SLC9A9: variants seen among roughly 807,000 people sequenced by gnomAD.
SLC9A9 encodes the protein solute carrier family 9 member A9.
In SLC9A9, 62 loss-of-function variants were observed where a neutral mutation model predicts 77.8. The ratio of observed to expected loss-of-function variants is 0.80; its 90% CI spans 0.65 to 0.98. The LOEUF is 0.98. Among genes scored for constraint, SLC9A9 ranks in the 50% least tolerant of loss-of-function variants. The probability of loss-of-function intolerance (pLI) is 0.00; values close to 1 mark genes in which losing one functional copy is unlikely to be tolerated. For synonymous variants in SLC9A9, 320 were observed against 283.5 expected, an observed-to-expected ratio of 1.13 and a Z score of -1.29; for missense variants, 775 against 774.9, an observed-to-expected ratio of 1.00 and a Z score of 0.00.
At chr3:143,627,923 C>T (rs2108723827) in intron 6 of SLC9A9, among the ~76,000 whole-genome samples, 1 of 152,316 alleles carries the variant, frequency 6.6e-6, no homozygotes, top group South Asian at 2.1e-4. Context: ...AATGAATGAG[C>T]TTGGGTGGAG....
At chr3:143,625,037 T>C (rs976943187) in intron 6 of SLC9A9, among the ~76,000 whole-genome samples, 109 of 152,134 alleles carry the variant, frequency 7.2e-4, no homozygotes, top group African/African-American at 2.0e-3. Flanking sequence ...GAATAAAATA[T>C]GTAGGAATCC....
chr3:143,560,722 T>C (rs1023653085), intron 8 of SLC9A9, among the ~76,000 whole-genome samples: 3 of 96,968 alleles, frequency 3.1e-5, no homozygotes, highest in African/African-American at 1.6e-4. Flanking sequence ...AATAAAACTT[T>C]TTCCTTCAAA....
At chr3:143,730,575 C>T (rs998393549) in intron 4 of SLC9A9, among the ~76,000 whole-genome samples, 1 of 152,190 alleles carries the variant, frequency 6.6e-6, no homozygotes, top group African/African-American at 2.4e-5. Context: ...GAACTCATCA[C>T]TTCTCACTCT....
At chr3:143,625,828 A>G (rs1322064018) in intron 6 of SLC9A9, among the ~76,000 whole-genome samples, 1 of 152,228 alleles carries the variant, frequency 6.6e-6, no homozygotes, top group Non-Finnish European at 1.5e-5. Flanking sequence ...GTGAACAGGC[A>G]ACCTACAGAA....
At chr3:143,543,449 T>C (rs1433198501) in intron 9 of SLC9A9, among the ~76,000 whole-genome samples, 1 of 152,118 alleles carries the variant, frequency 6.6e-6, no homozygotes, top group Admixed American at 6.5e-5. Context: ...ACATGGCATA[T>C]TGCATGATGC....
At chr3:143,597,775 C>T (rs891015203) in intron 6 of SLC9A9, among the ~76,000 whole-genome samples, 1 of 152,182 alleles carries the variant, frequency 6.6e-6, no homozygotes, top group African/African-American at 2.4e-5. Context: ...TACTGGCAGG[C>T]AGGAGCCAAG....
At chr3:143,835,003 C>T (rs922084034) in intron 1 of SLC9A9, among the ~76,000 whole-genome samples, 2 of 152,136 alleles carry the variant, frequency 1.3e-5, no homozygotes, top group Admixed American at 6.6e-5. Flanking sequence ...AGCAGGGATA[C>T]TAAGGCAAGC....
At chr3:143,838,617 A>C (rs962296441) in intron 1 of SLC9A9, among the ~76,000 whole-genome samples, 6 of 152,228 alleles carry the variant, frequency 3.9e-5, no homozygotes, top group Admixed American at 2.6e-4. Context: ...CATAAGGGAC[A>C]ATTTAGAACA....
chr3:143,648,593 T>C (rs1312184014), intron 6 of SLC9A9, among the ~76,000 whole-genome samples: 2 of 152,190 alleles, frequency 1.3e-5, no homozygotes, highest in African/African-American at 4.8e-5. Context: ...TTTTGTTTTG[T>C]TGTGTTTCTA....
chr3:143,465,176 C>T (rs2035263145), intron 12 of SLC9A9, among the ~76,000 whole-genome samples: 1 of 152,232 alleles, frequency 6.6e-6, no homozygotes, highest in South Asian at 2.1e-4. Context: ...TGCTGTGCCC[C>T]CTGGAAGACT....
intron 4 of SLC9A9, among the ~76,000 whole-genome samples, chr3:143,761,523 C>G (rs1208766727): frequency 4.6e-5 from 7 of 152,048 alleles, no homozygotes; most frequent in Admixed American, 4.6e-4. Flanking sequence ...CCATCAAAAA[C>G]TGGGCAAAGG....
At chr3:143,680,060 A>C (rs760037429) in intron 5 of SLC9A9, among the ~76,000 whole-genome samples, 7 of 152,112 alleles carry the variant, frequency 4.6e-5, no homozygotes, top group African/African-American at 1.7e-4. Flanking sequence ...ATGTTAGGAG[A>C]CATGAGAGAT....
chr3:143,345,345 T>C (rs1278898588), intron 14 of SLC9A9, among the ~76,000 whole-genome samples: 1 of 151,722 alleles, frequency 6.6e-6, no homozygotes, highest in East Asian at 1.9e-4. Context: ...GCCAGAAAAG[T>C]AGGGGGAAAT....
At chr3:143,821,987 G>C (rs2009177638) in intron 2 of SLC9A9, among the ~76,000 whole-genome samples, 1 of 152,182 alleles carries the variant, frequency 6.6e-6, no homozygotes, top group Non-Finnish European at 1.5e-5. Context: ...AGCAAGCGCT[G>C]TCAGTCCCTT....
In SLC9A9 at chr3:143,662,715, C is replaced by T. The variant is rs189851872; in HGVS notation, c.650-10355G>A. Among the ~76,000 whole-genome samples the T allele has an allele frequency of 2.9e-3, 446 of 151,868 alleles. 11 individuals carry two copies. The highest frequency in any genetic ancestry group is 0.026 in the Admixed American group (396 of 15,244). On this transcript the variant is annotated intron_variant, in intron 5 of 15. Transcript: ENST00000316549. ...CTTGCTCACTGCTAGCACAGCAGTC[C>T]GAGATGAAATTGCGAGGTAGCAGCC...
At chr3:143,801,389 G>GT (rs2008552916) in intron 2 of SLC9A9, among the ~76,000 whole-genome samples, 1 of 152,040 alleles carries the variant, frequency 6.6e-6, no homozygotes, top group South Asian at 2.1e-4. Context: ...TACAGCTCTC[G>GT]TAACTTCCAA....
chr3:143,555,112 T>C (rs960484403), intron 8 of SLC9A9, among the ~76,000 whole-genome samples: 4 of 152,188 alleles, frequency 2.6e-5, no homozygotes, highest in South Asian at 4.1e-4. Context: ...TAGGAGATAA[T>C]TGAATCATGG....
chr3:143,389,426 G>A (rs1375405873), intron 12 of SLC9A9, among the ~76,000 whole-genome samples: 1 of 152,166 alleles, frequency 6.6e-6, no homozygotes, highest in Non-Finnish European at 1.5e-5. Context: ...TGCAGGACAG[G>A]CTCACTGTGG....
chr3:143,272,472 G>C (rs978035548), intron 14 of SLC9A9, among the ~76,000 whole-genome samples: 12 of 152,170 alleles, frequency 7.9e-5, no homozygotes, highest in African/African-American at 2.4e-4. Context: ...TTACAGCAGA[G>C]CTAGGCCTGA....
Sources: gnomAD v4.1 joint callset for allele counts (sites outside exome capture counted in the v4.1 genomes callset) on GRCh38, gnomAD v4.1.1 for gene constraint, MANE v1.5 for transcripts, NCBI Gene and HGNC (gene_info 2026-07-23, HGNC 2026-07-21) for gene names.